SH3TC1: variants seen among roughly 807,000 people sequenced by gnomAD.
The protein encoded by SH3TC1 is SH3 domain and tetratricopeptide repeat-containing protein 1.
A neutral mutation model predicts 117.3 loss-of-function variants in SH3TC1; 135 were observed. That is an observed-to-expected ratio of 1.15 (90% CI 1.00 to 1.33). SH3TC1 has a LOEUF of 1.33. SH3TC1 is among the 40% of genes most tolerant of loss of function. The pLI is 0.00. For missense variants in SH3TC1, 2,092 were observed against 1,794.3 expected (o/e 1.17, Z -3.00); for synonymous variants, 898 against 816.9 (o/e 1.10, Z -1.69).
chr4:8,201,596 T>C (rs1717848473), intron 1 of SH3TC1: 1 of 152,476 alleles, frequency 6.6e-6, no homozygotes, highest in African/African-American at 2.4e-5. Context: ...TTGGGGCCTC[T>C]GCTTGTGCAG....
intron 13 of SH3TC1, 89 bp from the exon 14 acceptor site, chr4:8,233,274 A>G: frequency 6.6e-7 from 1 of 1,507,900 alleles, no homozygotes; most frequent in Non-Finnish European, 8.8e-7. Context: ...GTCCCATTCC[A>G]GATTCATCTG....
rs1719035689 is a variant in SH3TC1, at chr4:8,214,416, C to T, written c.376-59C>T. 3.3e-6 allele frequency: 5 copies of T among 1,512,150 alleles called. No individual in the cohort carries two copies. In the Admixed American group the frequency reaches 6.8e-5, roughly 20 times the overall value. 93.7% of individuals were successfully genotyped at this position (1,512,150 alleles called of 1,614,324 possible). Reference sequence around the variant, plus strand: ...GTCTCTGTCATGTGGACGCTGTCCTCCTGACAGATGCCCCAGAGCTCCTGG... The same window carrying T: ...GTCTCTGTCATGTGGACGCTGTCCTTCTGACAGATGCCCCAGAGCTCCTGG... On this transcript the variant is annotated intron_variant, in intron 4 of 17. Coordinates refer to ENST00000245105, the MANE Select transcript of SH3TC1 (RefSeq NM_018986.5).
Position 8,228,506 on chromosome 4 carries a change from C to T in SH3TC1, c.2812C>T (p.Leu938Phe). Residue 938 changes from leucine to phenylalanine, a missense_variant, in exon 12 of 18, where the codon CTT (leucine) becomes TTT (phenylalanine). Transcript: ENST00000245105. ...CGTGCGGCTGTTCTCGAGGCTGCCC[C>T]TTGGGGAGTGTGGCCGGGACTTCAC... ...EAVRLFSRLP[L>F]GECGRDFTHV... is the part of the protein sequence containing the mutation. 1 of 1,611,664 alleles carries T rather than the reference C, an allele frequency of 6.2e-7. No homozygotes were observed. Among genetic ancestry groups the T allele is most frequent in the Non-Finnish European group, 8.5e-7 (1 of 1,179,624 alleles).
At position 8,212,819 on chromosome 4, in the gene SH3TC1, C is replaced by A. The variant is rs766610685; in HGVS notation, c.366C>A (p.Arg122=). The A allele has an allele frequency of 3.2e-6, 5 of 1,583,706 alleles. No homozygotes were observed. The highest frequency in any genetic ancestry group is 1.2e-5 in the South Asian group (1 of 86,814). ...LLENDSREMA[R]VLGELSARLL... ...AGAATGATAGCCGGGAGATGGCCCG[C>A]GTGCTTGGGGTGAGTAGCCCTCTGG... Residue 122 remains arginine (R), a synonymous_variant, in exon 4 of 18, where the codon CGC becomes CGA. Transcript: ENST00000245105.
intron 5 of SH3TC1, chr4:8,215,206 G>A (rs1367582855): frequency 4.4e-6 from 2 of 456,294 alleles, no homozygotes; most frequent in Admixed American, 4.7e-5. Flanking sequence ...TGGCCTCAGT[G>A]CTGACCGGGA....
chr4:8,214,350 C>T (rs1719024852), intron 4 of SH3TC1, 125 bp from the exon 5 acceptor site: 1 of 799,648 alleles, frequency 1.3e-6, no homozygotes, highest in Non-Finnish European at 2.0e-6. Flanking sequence ...AGGAATCTGC[C>T]CTGGGTGTGT....
chr4:8,208,939 G>C (rs990203906), intron 2 of SH3TC1, among the ~76,000 whole-genome samples: 3 of 152,240 alleles, frequency 2.0e-5, no homozygotes, highest in Non-Finnish European at 4.4e-5. Flanking sequence ...TTCCTAATCA[G>C]ATCCCCCTGG....
intron 3 of SH3TC1, among the ~76,000 whole-genome samples, chr4:8,212,100 C>T (rs1410246277): frequency 6.6e-6 from 1 of 151,990 alleles, no homozygotes; most frequent in Non-Finnish European, 1.5e-5. Context: ...TAGGAGGTGT[C>T]ATTGATCCGA....
upstream of SH3TC1, among the ~76,000 whole-genome samples, chr4:8,198,200 T>G (rs143127299): frequency 2.0e-3 from 303 of 152,316 alleles, 2 homozygotes; most frequent in African/African-American, 7.0e-3. Context: ...TCAGACCTGG[T>G]TCCAGTCTTA....
chr4:8,190,518 C>T lies in SH3TC1; in HGVS notation c.-57+8308C>T, dbSNP rs1258450855. On this transcript the variant is annotated intron_variant, in intron 1 of 16. Coordinates refer to the SH3TC1 transcript ENST00000508641. This position sits in a 1 kb window ranked among gnomAD's most constrained non-coding sequence, Gnocchi z 4.7. The stretch of plus-strand genomic sequence containing the variant: ...TGTCCCCGGGCTCTTGGGAGAATGG[C>T]AGCCTTGCAGCCCCTGCTGTGTGCC... Among the ~76,000 whole-genome samples, 1 of 152,146 alleles carries T rather than the reference C, an allele frequency of 6.6e-6. No individual in the cohort carries two copies. The highest frequency in any genetic ancestry group is 2.4e-5 in the African/African-American group (1 of 41,436).
At chr4:8,220,906 C>A (rs1210014762) in intron 9 of SH3TC1, among the ~76,000 whole-genome samples, 1 of 152,262 alleles carries the variant, frequency 6.6e-6, no homozygotes, top group South Asian at 2.1e-4. Context: ...AGGAGCTAGA[C>A]CAGCAGTTCC....
rs1335419648 is a variant in SH3TC1 at position 8,236,396 on chromosome 4, C to T, written c.3524C>T (p.Ala1175Val). 1 of 1,529,972 alleles carries T rather than the reference C, an allele frequency of 6.5e-7. No individual in the cohort carries two copies. Among genetic ancestry groups the T allele is most frequent in the Admixed American group, 2.0e-5 (1 of 49,276 alleles). 94.8% of individuals were successfully genotyped at this position (1,529,972 alleles called of 1,614,324 possible). ...LEEPQEGLEFAHMALALSITL... is the reference protein window; with the variant it reads ...LEEPQEGLEFVHMALALSITL... Reference sequence around the variant, plus strand: ...GAGCCCCAGGAGGGCTTGGAGTTTGCCCACATGGCCCTAGCACTCAGCATC... The same window carrying T: ...GAGCCCCAGGAGGGCTTGGAGTTTGTCCACATGGCCCTAGCACTCAGCATC... The change falls in exon 16 of 18, where the codon GCC (alanine) becomes GTC (valine). Residue 1175 changes from alanine to valine, a missense_variant. Coordinates refer to ENST00000245105, the MANE Select transcript of SH3TC1 (RefSeq NM_018986.5).
rs1446494048 is a variant in SH3TC1 at position 8,219,346 on chromosome 4, G to C, written c.928G>C (p.Ala310Pro). 4 of 1,592,784 alleles carry C rather than the reference G, an allele frequency of 2.5e-6. No individual in the cohort carries two copies. Among genetic ancestry groups the C allele is most frequent in the Non-Finnish European group, 3.4e-6 (4 of 1,165,960 alleles). The change falls in exon 9 of 18, where the codon GCC becomes CCC. Residue 310 changes from alanine to proline, a missense_variant. Coordinates refer to ENST00000245105, the MANE Select transcript of SH3TC1 (RefSeq NM_018986.5). Reference protein sequence around the residue: ...PGNPLMAVGLASALADFQGSG... With the variant: ...PGNPLMAVGLPSALADFQGSG... ...GCTTTCTTCCGCAGCTGTGGGCCTGGCCTCGGCATTGGCAGACTTCCAGGG... is the reference window on the plus strand; with the variant it reads ...GCTTTCTTCCGCAGCTGTGGGCCTGCCCTCGGCATTGGCAGACTTCCAGGG...
At chr4:8,222,089 G>A (rs1719970335) in intron 9 of SH3TC1, among the ~76,000 whole-genome samples, 1 of 152,048 alleles carries the variant, frequency 6.6e-6, no homozygotes, top group Non-Finnish European at 1.5e-5. Flanking sequence ...CTGACTTTAT[G>A]AGAGTGCCCT....
rs770235583 is a variant in SH3TC1 at position 8,228,048 on chromosome 4, G to A, written c.2354G>A (p.Arg785His). Reference protein sequence around the residue: ...SLTPGTGQALRGPLYTSLAQL... With the variant: ...SLTPGTGQALHGPLYTSLAQL... ...ACCCCGGGCACAGGCCAGGCGCTGC[G>A]CGGCCCCCTCTACACCAGCTTGGCC... Residue 785 changes from arginine (R) to histidine (H), a missense_variant, in exon 12 of 18, where the codon CGC becomes CAC. Physicochemically the swap from Arg to His is conservative, Grantham distance 29. Transcript: ENST00000245105. The A allele has an allele frequency of 1.9e-6, 3 of 1,605,560 alleles. No homozygotes were observed. In the South Asian group the frequency reaches 3.3e-5, roughly 18 times the overall value.
chr4:8,214,345 T>C (rs1045091532), intron 4 of SH3TC1, 130 bp from the exon 5 acceptor site: 4 of 750,034 alleles, frequency 5.3e-6, no homozygotes, highest in South Asian at 3.6e-5. Flanking sequence ...TGTGAAGGAA[T>C]CTGCCCTGGG....
At position 8,240,916 on chromosome 4, in the gene SH3TC1, CG is replaced by C; in HGVS notation, c.3975del (p.Trp1326GlyfsTer50). On this transcript the variant is annotated frameshift_variant, in exon 18 of 18. Coordinates refer to ENST00000245105, the MANE Select transcript of SH3TC1 (RefSeq NM_018986.5). LOFTEE classifies it high-confidence loss of function. ...RVNLPPLPLC[G>X]WAPWLAPSHP... is the part of the protein sequence containing the mutation. Reference sequence around the variant, plus strand: ...TCAACCTGCCTCCTCTGCCACTCTGCGGGTGGGCCCCCTGGTTGGCCCCCAG... The same window carrying C: ...TCAACCTGCCTCCTCTGCCACTCTGCGGTGGGCCCCCTGGTTGGCCCCCAG... 6.2e-7 allele frequency: 1 copy of C among 1,612,444 alleles called. No individual in the cohort carries two copies. Among genetic ancestry groups the C allele is most frequent in the African/African-American group, 1.3e-5 (1 of 75,048 alleles).
intron 7 of SH3TC1, among the ~76,000 whole-genome samples, chr4:8,217,614 G>T (rs1719428399): frequency 6.6e-6 from 1 of 152,222 alleles, no homozygotes; most frequent in Non-Finnish European, 1.5e-5. Context: ...CTTCCTGGTA[G>T]CCAAAGCAAA....
At position 8,205,690 on chromosome 4, in the gene SH3TC1, G is replaced by A; in HGVS notation, c.172+324G>A. The A allele has an allele frequency of 2.7e-6, 2 of 734,184 alleles. No homozygotes were observed. The highest frequency in any genetic ancestry group is 1.9e-5 in the Admixed American group (1 of 53,544). 45.5% of individuals were successfully genotyped at this position (734,184 alleles called of 1,614,324 possible). Reference sequence around the variant, plus strand: ...GTTCCAGAAACAGTCCGATGGGTTTGGCCTTGGAACCCCTGAGAGTCCTCA... The same window carrying A: ...GTTCCAGAAACAGTCCGATGGGTTTAGCCTTGGAACCCCTGAGAGTCCTCA... On this transcript the variant is annotated intron_variant, in intron 2 of 17. Transcript: ENST00000245105. This position sits in a 1 kb window ranked among gnomAD's most constrained non-coding sequence, Gnocchi z 5.4.
Sources: allele counts gnomAD v4.1 joint callset (sites outside exome capture counted in the v4.1 genomes callset), GRCh38; gene constraint gnomAD v4.1.1; non-coding constraint Gnocchi (gnomAD v3.1); transcripts MANE v1.5; gene names NCBI Gene and HGNC (gene_info 2026-07-23, HGNC 2026-07-21).